The following RNF213 variants were observed in gnomAD, a reference collection of about 807,000 sequenced individuals.
The protein encoded by RNF213 is ring finger protein 213.
Under a neutral mutation model 514.4 loss-of-function variants are expected in RNF213, and 341 were observed. The ratio of observed to expected loss-of-function variants is 0.66; its 90% confidence interval spans 0.61 to 0.73. RNF213 has a LOEUF of 0.73. Among genes scored for constraint, RNF213 ranks in the 30% least tolerant of loss-of-function variants. The pLI is 0.00. For missense variants in RNF213, 5,767 were observed against 6,615.6 expected, an observed-to-expected ratio of 0.87 and a Z score of 4.45; for synonymous variants, 2,655 against 2,658.2, an observed-to-expected ratio of 1.00 and a Z score of 0.04.
At chr17:80,348,350 C>G in intron 29 of RNF213, 64 bp downstream of exon 29, 2 of 1,594,618 alleles carry the variant, frequency 1.3e-6, no homozygotes, top group South Asian at 1.1e-5. Context: ...TCCCTCGTGT[C>G]AGGATTCAAG....
At chr17:80,270,439 C>T (rs2043784183) in intron 2 of RNF213, among the ~76,000 whole-genome samples, 1 of 152,248 alleles carries the variant, frequency 6.6e-6, no homozygotes, top group Admixed American at 6.5e-5. Flanking sequence ...AAATCCCCTG[C>T]ACAAAGCTTC....
At chr17:80,359,026 A>G (rs575571878) in intron 37 of RNF213, among the ~76,000 whole-genome samples, 14 of 152,282 alleles carry the variant, frequency 9.2e-5, no homozygotes, top group African/African-American at 1.7e-4. Flanking sequence ...CGTGACACGG[A>G]GACAGTGCGC....
intron 11 of RNF213, among the ~76,000 whole-genome samples, chr17:80,302,820 C>T (rs112816799): frequency 1.3e-5 from 2 of 152,092 alleles, no homozygotes; most frequent in African/African-American, 4.8e-5. Context: ...AGTCCAGATT[C>T]CCTAGAAGTT....
chr17:80,295,546 C>A lies in RNF213; in HGVS notation c.1756-11C>A, dbSNP rs2143396566. ...CATGGTTCATGCATCTTCCTCTTCT[C>A]CCACCATCAGGTGAAGAGATACCTG... On this transcript the variant is annotated splice_polypyrimidine_tract_variant and intron_variant, in intron 9 of 67. Coordinates refer to ENST00000582970, the MANE Select transcript of RNF213 (RefSeq NM_001256071.3). 1 of 1,614,070 alleles carries A rather than the reference C, an allele frequency of 6.2e-7. No homozygotes were observed. Among genetic ancestry groups the A allele is most frequent in the Non-Finnish European group, 8.5e-7 (1 of 1,179,986 alleles).
At chr17:80,319,567 G>C (rs150900021) in intron 17 of RNF213, 15 of 1,600,250 alleles carry the variant, frequency 9.4e-6, no homozygotes, top group Admixed American at 1.7e-5. Flanking sequence ...GGCCGTGCGC[G>C]TGTGGCACAA....
At chr17:80,370,343 A>G (rs1160064154) in intron 46 of RNF213, among the ~76,000 whole-genome samples, 1 of 152,218 alleles carries the variant, frequency 6.6e-6, no homozygotes, top group Non-Finnish European at 1.5e-5. Flanking sequence ...GTATGGATCT[A>G]ATATTGCAGT....
In RNF213 at chr17:80,328,235, T is replaced by C. The variant is rs562392735; in HGVS notation, c.3368-93T>C. The C allele has an allele frequency of 1.1e-5, 15 of 1,371,128 alleles. 1 individual carries two copies. The South Asian group carries it at 2.2e-4, about 20-fold the overall frequency. 84.9% of individuals were successfully genotyped at this position (1,371,128 alleles called of 1,614,324 possible). A position where few individuals can be genotyped will look rare whatever the true frequency, so the allele number is the denominator to read the frequency against. On this transcript the variant is annotated intron_variant, in intron 19 of 67. Coordinates refer to ENST00000582970, the MANE Select transcript of RNF213 (RefSeq NM_001256071.3). Reference sequence around the variant, plus strand: ...AAAACCATCCTAGTCCTTCTCCTGGTGGCGGGGAAGGTGCGGCGCTTTCAA... The same window carrying C: ...AAAACCATCCTAGTCCTTCTCCTGGCGGCGGGGAAGGTGCGGCGCTTTCAA...
In RNF213 at chr17:80,306,484, C is replaced by A; in HGVS notation, c.2427+16C>A. The A allele has an allele frequency of 2.5e-6, 4 of 1,611,822 alleles. No homozygotes were observed. In the South Asian group the frequency reaches 4.4e-5, roughly 18 times the overall value. On this transcript the variant is annotated intron_variant, in intron 12 of 67. Transcript: ENST00000582970. ...GAATACGCAGGTTTGTGTCTGAAGT[C>A]GGCTCTGGAGTCCTGGCTTAGCAAA...
At chr17:80,285,063 G>A (rs908370672) in intron 3 of RNF213, among the ~76,000 whole-genome samples, 5 of 152,200 alleles carry the variant, frequency 3.3e-5, no homozygotes, top group African/African-American at 9.7e-5. Context: ...GCCATCCAGC[G>A]CTGTCACCAG....
rs150523106 is a variant in RNF213, at chr17:80,363,182, G to A, written c.11436G>A (p.Pro3812=). 5.3e-5 allele frequency: 85 copies of A among 1,614,228 alleles called. No homozygotes were observed. The South Asian group carries it at 6.9e-4, about 13-fold the overall frequency. Residue 3812 remains proline (P), a synonymous_variant, in exon 40 of 68, where the codon CCG becomes CCA. Coordinates refer to ENST00000582970, the MANE Select transcript of RNF213 (RefSeq NM_001256071.3). ...SEAPEEEVSL[P]WVHLAYQRFR... is the part of the protein sequence containing the mutation. ...CGCCCGAGGAAGAGGTTTCCTTACC[G>A]TGGGTGCACCTTGCCTACCAGCGTT...
At position 80,287,780 on chromosome 17, in the gene RNF213, T is replaced by A. The variant is rs1014407003; in HGVS notation, c.262-35T>A. 8.1e-6 allele frequency: 13 copies of A among 1,607,270 alleles called. No individual in the cohort carries two copies. The African/African-American group carries it at 1.6e-4, about 20-fold the overall frequency. On this transcript the variant is annotated intron_variant, in intron 3 of 67. Transcript: ENST00000582970. ...AACACGGGCTAGAGTAGAGTAAATC[T>A]AAGAAATAAAGTGAGTGTCTCTCTT... is the stretch of plus-strand genomic sequence containing the variant.
intron 32 of RNF213, chr17:80,352,423 C>T (rs936183042): frequency 1.5e-4 from 54 of 358,248 alleles, no homozygotes; most frequent in East Asian, 7.5e-4. Flanking sequence ...CTGTCAGGAA[C>T]GCACCGATAC....
In RNF213 at chr17:80,348,159, T is replaced by A; in HGVS notation, c.9824T>A (p.Leu3275Gln). 6.2e-7 allele frequency: 1 copy of A among 1,614,068 alleles called. No individual in the cohort carries two copies. The highest frequency in any genetic ancestry group is 1.1e-5 in the South Asian group (1 of 91,090). ...GTGGTCCGGCTGAGCGCCTACTCGC[T>A]GGGCGGGTTCGCAGCGGAGTGGCTG... is the stretch of plus-strand genomic sequence containing the variant. ...DAVVRLSAYS[L>Q]GGFAAEWLSQ... The change falls in exon 29 of 68, where the codon CTG becomes CAG. Residue 3275 changes from leucine (L) to glutamine (Q), a missense_variant. Coordinates refer to ENST00000582970, the MANE Select transcript of RNF213 (RefSeq NM_001256071.3).
At chr17:80,279,192 T>G (rs1048026554) in intron 3 of RNF213, among the ~76,000 whole-genome samples, 1 of 152,224 alleles carries the variant, frequency 6.6e-6, no homozygotes, top group South Asian at 2.1e-4. Flanking sequence ...TCCGTGCAGC[T>G]GTCCCCTTGG....
In RNF213 at chr17:80,358,399, G is replaced by A. The variant is rs545362615; in HGVS notation, c.10974G>A (p.Pro3658=). ...AGTTACTGACCAGGCCAGATACTCC[G>A]CCCTGGGCAAGAGATCTTTGGATGT... The part of the protein sequence containing the change: ...NLELLTRPDT[P]PWARDLWMFI... Residue 3658 remains proline (P), a synonymous_variant, in exon 37 of 68, where the codon CCG becomes CCA. Transcript: ENST00000582970. 7.1e-5 allele frequency: 114 copies of A among 1,614,044 alleles called. 2 individuals carry two copies. The highest frequency in any genetic ancestry group is 4.1e-4 in the South Asian group (37 of 91,072).
At chr17:80,331,868 T>C (rs2046425901) in intron 20 of RNF213, 138 bp from the exon 21 acceptor site, 1 of 1,038,454 alleles carries the variant, frequency 9.6e-7, no homozygotes, top group Non-Finnish European at 1.4e-6. Flanking sequence ...TGTGAACTCT[T>C]CCTGAGAAAG....
At chr17:80,292,483 C>T (rs2044767749) in intron 8 of RNF213, among the ~76,000 whole-genome samples, 1 of 152,152 alleles carries the variant, frequency 6.6e-6, no homozygotes, top group South Asian at 2.1e-4. Context: ...GTGCAGTGAC[C>T]AGGAGGCCAC....
rs572170854 is a variant in RNF213, at chr17:80,334,226, C to G, written c.4265C>G (p.Ser1422Cys). The G allele has an allele frequency of 3.9e-6, 6 of 1,537,168 alleles. No homozygotes were observed. The highest frequency in any genetic ancestry group is 2.0e-5 in the Admixed American group (1 of 50,988). ...CGGTGCAAGGGGCTGCAGGCTCTGT[C>G]CCTGAGAAAGGAGTTCATCTGCTGG... Reference protein sequence around the residue: ...EARCKGLQALSLRKEFICWVR... With the variant: ...EARCKGLQALCLRKEFICWVR... Residue 1422 changes from serine (S) to cysteine (C), a missense_variant, in exon 22 of 68, where the codon TCC becomes TGC. Transcript: ENST00000582970.
In RNF213 at chr17:80,353,340, C is replaced by A; in HGVS notation, c.10424-172C>A. The A allele has an allele frequency of 2.3e-6, 2 of 860,460 alleles. No individual in the cohort carries two copies. Among genetic ancestry groups the A allele is most frequent in the Non-Finnish European group, 3.7e-6 (2 of 538,098 alleles). The allele number at this position is 860,460 out of a possible 1,614,324, so 53.3% of individuals were successfully genotyped here. A position where few individuals can be genotyped will look rare whatever the true frequency, so the allele number is the denominator to read the frequency against. On this transcript the variant is annotated intron_variant, in intron 33 of 67. Transcript: ENST00000582970. This position sits in a 1 kb window ranked among gnomAD's most constrained non-coding sequence, Gnocchi z 5.0. ...GCCCAGGCTGGAAGGAAGGGGCTGC[C>A]TTGGGGGCTGATCTTCATGACCGTG...
Sources: allele counts gnomAD v4.1 joint callset (sites outside exome capture counted in the v4.1 genomes callset), GRCh38; gene constraint gnomAD v4.1.1; non-coding constraint Gnocchi (gnomAD v3.1); transcripts MANE v1.5; gene names NCBI Gene and HGNC (gene_info 2026-07-23, HGNC 2026-07-21).